The following TBC1D19 variants were observed in gnomAD, a reference collection of about 807,000 sequenced individuals.
The protein encoded by TBC1D19 is TBC1 domain family, member 19.
Under a neutral mutation model 89.0 loss-of-function variants are expected in TBC1D19, and 60 were observed. The ratio of observed to expected loss-of-function variants is 0.67; its 90% CI spans 0.55 to 0.84. TBC1D19 has a LOEUF of 0.84. Among genes scored for constraint, TBC1D19 ranks in the 40% least tolerant of loss-of-function variants. The pLI is 0.00. For synonymous variants in TBC1D19, 189 were observed against 199.7 expected, an observed-to-expected ratio of 0.95 and a Z score of 0.45; for missense variants, 500 against 610.8, an observed-to-expected ratio of 0.82 and a Z score of 1.91.
intron 13 of TBC1D19, among the ~76,000 whole-genome samples, chr4:26,708,998 C>T (rs193119094): frequency 1.5e-4 from 22 of 150,612 alleles, no homozygotes; most frequent in Admixed American, 5.3e-4. Context: ...TTTTTTGGCC[C>T]TTTAAATGGG....
At chr4:26,850,472 A>G in the TBC1D19 span, among the ~76,000 whole-genome samples, 1 of 141,720 alleles carries the variant, frequency 7.1e-6, no homozygotes, top group Non-Finnish European at 1.5e-5. Flanking sequence ...TGCCTGAACC[A>G]AGAGGGGTTG....
intron 8 of TBC1D19, among the ~76,000 whole-genome samples, chr4:26,662,110 AT>A (rs1314094123): frequency 2.0e-5 from 3 of 151,928 alleles, no homozygotes; most frequent in East Asian, 1.9e-4. Context: ...TTCTCTTAGA[AT>A]TTTTTTTTGT....
intron 19 of TBC1D19, 41 bp downstream of exon 19, chr4:26,748,567 A>G (rs1165583076): frequency 7.2e-7 from 1 of 1,397,638 alleles, no homozygotes; most frequent in African/African-American, 1.4e-5. Context: ...TGCTGTTTCT[A>G]TAATAAGTCC....
In TBC1D19 at chr4:26,680,243, G is replaced by A. The variant is rs141921631; in HGVS notation, c.817-3432G>A. 2.3e-3 allele frequency among the ~76,000 whole-genome samples: 353 copies of A among 152,160 alleles called. 1 individual carries two copies. The highest frequency in any genetic ancestry group is 4.0e-3 in the Non-Finnish European group (274 of 67,992). ...TATTTCTTCATAGCAGCATGATAAT[G>A]GACTAATACATCTGATATCTCAGCT... On this transcript the variant is annotated intron_variant, in intron 11 of 20. Transcript: ENST00000264866.
intron 1 of TBC1D19, among the ~76,000 whole-genome samples, chr4:26,592,074 A>C (rs868129186): frequency 6.6e-6 from 1 of 152,202 alleles, no homozygotes; most frequent in Non-Finnish European, 1.5e-5. Context: ...ATGAACATCA[A>C]TGCAAAAATC....
downstream of TBC1D19, among the ~76,000 whole-genome samples, chr4:26,757,824 G>A (rs557620979): frequency 6.6e-6 from 1 of 152,234 alleles, no homozygotes; most frequent in South Asian, 2.1e-4. Context: ...TAGTCCTGTA[G>A]TTCTCTGAAT....
the TBC1D19 span, among the ~76,000 whole-genome samples, chr4:26,795,431 T>C: frequency 2.0e-5 from 3 of 152,350 alleles, no homozygotes; most frequent in Non-Finnish European, 4.4e-5. Context: ...ATTTACTCAC[T>C]TACTGTCTAT....
the TBC1D19 span, among the ~76,000 whole-genome samples, chr4:26,821,519 C>T: frequency 6.6e-6 from 1 of 152,194 alleles, no homozygotes; most frequent in Non-Finnish European, 1.5e-5. Context: ...GTGTTTGAGG[C>T]AGTAATTATT....
intron 13 of TBC1D19, among the ~76,000 whole-genome samples, chr4:26,697,967 T>C (rs1053585299): frequency 1.3e-5 from 2 of 152,140 alleles, no homozygotes; most frequent in African/African-American, 4.8e-5. Flanking sequence ...AGGGATGCCC[T>C]CTCTCACCAC....
At chr4:26,776,336 G>A in the TBC1D19 span, among the ~76,000 whole-genome samples, 1 of 151,662 alleles carries the variant, frequency 6.6e-6, no homozygotes, top group African/African-American at 2.4e-5. Flanking sequence ...AGAGGTGATG[G>A]GATAAAATAT....
intron 16 of TBC1D19, among the ~76,000 whole-genome samples, chr4:26,736,492 T>C (rs1015470729): frequency 7.9e-5 from 12 of 151,594 alleles, no homozygotes; most frequent in African/African-American, 2.9e-4. Flanking sequence ...CATGTATACG[T>C]ATGTAACTAA....
intron 10 of TBC1D19, among the ~76,000 whole-genome samples, chr4:26,672,940 A>G (rs1712446561): frequency 6.6e-6 from 1 of 151,876 alleles, no homozygotes; most frequent in Non-Finnish European, 1.5e-5. Context: ...TTTTCATTTA[A>G]TATAAGATTT....
chr4:26,810,520 CA>C, the TBC1D19 span, among the ~76,000 whole-genome samples: 2 of 152,200 alleles, frequency 1.3e-5, no homozygotes, highest in Non-Finnish European at 2.9e-5. Flanking sequence ...ATCTTTGCCA[CA>C]TTCTTGCTTG....
intron 13 of TBC1D19, among the ~76,000 whole-genome samples, chr4:26,717,079 A>G (rs1386118510): frequency 6.6e-6 from 1 of 151,990 alleles, no homozygotes; most frequent in Non-Finnish European, 1.5e-5. Context: ...AATCTCCATT[A>G]CCTATCCTTT....
Position 26,584,302 on chromosome 4 carries a change from G to A in TBC1D19, c.99+10G>A. On this transcript the variant is annotated intron_variant, in intron 1 of 20. Coordinates refer to ENST00000264866, the MANE Select transcript of TBC1D19 (RefSeq NM_018317.4). ...GGAACGGCAGGCCTGGGTAAGTGAGGCCGAGTGGGAAGGGATGCAGACGGG... is the reference window on the plus strand; with the variant it reads ...GGAACGGCAGGCCTGGGTAAGTGAGACCGAGTGGGAAGGGATGCAGACGGG... 6.2e-7 allele frequency: 1 copy of A among 1,603,564 alleles called. No homozygotes were observed. The highest frequency in any genetic ancestry group is 8.5e-7 in the Non-Finnish European group (1 of 1,175,676).
At chr4:26,624,288 A>C (rs1307034535) in intron 4 of TBC1D19, among the ~76,000 whole-genome samples, 1 of 152,222 alleles carries the variant, frequency 6.6e-6, no homozygotes, top group Non-Finnish European at 1.5e-5. Context: ...CCCTGTTGAA[A>C]GGGATCTCTC....
chr4:26,757,543 A>G (rs2109342619), downstream of TBC1D19, among the ~76,000 whole-genome samples: 1 of 152,370 alleles, frequency 6.6e-6, no homozygotes, highest in East Asian at 1.9e-4. Flanking sequence ...GTGATATGTT[A>G]TGACTTTATA....
intron 4 of TBC1D19, among the ~76,000 whole-genome samples, 158 bp from the exon 5 acceptor site, chr4:26,637,053 A>G (rs1743180002): frequency 6.6e-6 from 1 of 152,174 alleles, no homozygotes; most frequent in Admixed American, 6.5e-5. Context: ...TCTGGCATAT[A>G]GTAGGCAATA....
At chr4:26,795,904 C>T in the TBC1D19 span, among the ~76,000 whole-genome samples, 1 of 152,080 alleles carries the variant, frequency 6.6e-6, no homozygotes, top group Non-Finnish European at 1.5e-5. Context: ...TTCCATCTTA[C>T]CCCCCACCAT....
Sources: gnomAD v4.1 joint callset for allele counts (sites outside exome capture counted in the v4.1 genomes callset) on GRCh38, gnomAD v4.1.1 for gene constraint, MANE v1.5 for transcripts, NCBI Gene and HGNC (gene_info 2026-07-23, HGNC 2026-07-21) for gene names.